FGL1: variants seen among roughly 807,000 people sequenced by gnomAD.
The protein encoded by FGL1 is fibrinogen-like protein 1.
FGL1 carries 59 observed loss-of-function variants against 43.7 expected under a neutral mutation model. That is an observed-to-expected ratio of 1.35 (90% CI 1.10 to 1.68). The LOEUF (loss-of-function observed/expected upper bound fraction) is 1.68. FGL1 is among the 40% of genes most tolerant of loss of function. The pLI, the probability that FGL1 is intolerant of heterozygous loss-of-function variation, is 0.00. For missense variants in FGL1, 596 were observed against 373.0 expected, an observed-to-expected ratio of 1.60 and a Z score of -4.92; for synonymous variants, 192 against 126.5, an observed-to-expected ratio of 1.52 and a Z score of -3.48.
intron 3 of FGL1, among the ~76,000 whole-genome samples, chr8:17,878,978 C>T (rs920810214): frequency 6.7e-6 from 1 of 150,102 alleles, no homozygotes; most frequent in East Asian, 2.0e-4. Context: ...TTCTTAGTAG[C>T]CTCTCCAGTA....
In FGL1 at chr8:17,869,850, C is replaced by T. The variant is rs908145925; in HGVS notation, c.503-846G>A. Among the ~76,000 whole-genome samples, 4 of 152,180 alleles carry T rather than the reference C, an allele frequency of 2.6e-5. No homozygotes were observed. The East Asian group carries it at 7.7e-4, about 29-fold the overall frequency. On this transcript the variant is annotated intron_variant, in intron 5 of 7. Transcript: ENST00000427924. ...ATGGGGCCGGGGCGGTGGCTCACGCCTGTAATCCCAGCACTTTGGGAGGCC... is the reference window on the plus strand; with the variant it reads ...ATGGGGCCGGGGCGGTGGCTCACGCTTGTAATCCCAGCACTTTGGGAGGCC...
At position 17,866,983 on chromosome 8, in the gene FGL1, C is replaced by G. The variant is rs569873222; in HGVS notation, c.779+1565G>C. On this transcript the variant is annotated intron_variant, in intron 7 of 7. Transcript: ENST00000427924. ...CCATCATCACCTTCAATTTGCAAAG[C>G]AGGAGAGTGAAATTTGTTTCTCTCC... is the stretch of plus-strand genomic sequence containing the variant. Among the ~76,000 whole-genome samples the G allele has an allele frequency of 5.9e-5, 9 of 152,248 alleles. 1 individual carries two copies. The South Asian group carries it at 1.9e-3, about 32-fold the overall frequency.
intron 7 of FGL1, among the ~76,000 whole-genome samples, chr8:17,867,821 A>G (rs989352066): frequency 6.6e-6 from 1 of 152,192 alleles, no homozygotes; most frequent in East Asian, 1.9e-4. Flanking sequence ...CTCACGCCCA[A>G]CACTTTGGGA....
At chr8:17,869,749 C>G (rs1012354912) in intron 5 of FGL1, among the ~76,000 whole-genome samples, 1 of 152,164 alleles carries the variant, frequency 6.6e-6, no homozygotes. Flanking sequence ...GGAAAATATA[C>G]TAACATCAAT....
chr8:17,866,569 A>G (rs1477092733), intron 7 of FGL1, among the ~76,000 whole-genome samples: 1 of 152,134 alleles, frequency 6.6e-6, no homozygotes, highest in Admixed American at 6.6e-5. Flanking sequence ...AGCCTTATCA[A>G]CCCCTTTGAT....
At chr8:17,871,348 G>T (rs1261531945) in intron 5 of FGL1, among the ~76,000 whole-genome samples, 2 of 151,960 alleles carry the variant, frequency 1.3e-5, no homozygotes, top group Non-Finnish European at 2.9e-5. Flanking sequence ...ACAAAAATTA[G>T]CTGGGTGTGG....
chr8:17,875,751 C>T (rs2517295), intron 3 of FGL1, among the ~76,000 whole-genome samples: 111,081 of 151,748 alleles, frequency 0.73, 41,154 homozygotes, highest in Non-Finnish European at 0.79. Flanking sequence ...ATCACAGCCA[C>T]GCACCTACAC....
At chr8:17,872,735 A>C (rs1181072545) in intron 5 of FGL1, among the ~76,000 whole-genome samples, 3 of 152,208 alleles carry the variant, frequency 2.0e-5, no homozygotes, top group African/African-American at 7.2e-5. Flanking sequence ...GGTAGGGAAG[A>C]CAATGGATTG....
chr8:17,883,776 G>T (rs1283658092), intron 2 of FGL1, among the ~76,000 whole-genome samples: 1 of 133,914 alleles, frequency 7.5e-6, no homozygotes, highest in Non-Finnish European at 1.6e-5. Context: ...CATTTTTCTA[G>T]GATGGTTTCT....
chr8:17,877,908 C>G (rs1201414433), intron 3 of FGL1, among the ~76,000 whole-genome samples: 1 of 152,154 alleles, frequency 6.6e-6, no homozygotes, highest in East Asian at 1.9e-4. Flanking sequence ...AGATAGCTGG[C>G]ATTCACTGAG....
At chr8:17,884,030 T>A (rs1443989609) in intron 2 of FGL1, among the ~76,000 whole-genome samples, 1 of 149,988 alleles carries the variant, frequency 6.7e-6, no homozygotes, top group Non-Finnish European at 1.5e-5. Context: ...CTAAAATGAT[T>A]TCTTTCTCCT....
intron 3 of FGL1, among the ~76,000 whole-genome samples, chr8:17,876,807 G>C (rs1189241082): frequency 1.3e-5 from 2 of 152,132 alleles, no homozygotes; most frequent in East Asian, 3.9e-4. Context: ...GGAAAACTTA[G>C]TGAATATAGA....
At chr8:17,882,885 ATATCT>A in intron 2 of FGL1, among the ~76,000 whole-genome samples, 8 of 110,168 alleles carry the variant, frequency 7.3e-5, no homozygotes, top group African/African-American at 3.4e-4. Flanking sequence ...AATATATAAT[ATATCT>A]CATATATAAT....
At chr8:17,885,382 T>C (rs1420161340) in intron 2 of FGL1, 110 bp downstream of exon 2, 3 of 872,520 alleles carry the variant, frequency 3.4e-6, no homozygotes, top group African/African-American at 1.7e-5. Context: ...TTTTCCCACA[T>C]AGTTAAGTTT....
chr8:17,875,996 G>A (rs78258074), intron 3 of FGL1, among the ~76,000 whole-genome samples: 3,166 of 152,254 alleles, frequency 0.021, 59 homozygotes, highest in South Asian at 0.048. Flanking sequence ...CAGACTTAGA[G>A]AACGTGGCAA....
chr8:17,877,957 T>C (rs1463447933), intron 3 of FGL1, among the ~76,000 whole-genome samples: 2 of 152,126 alleles, frequency 1.3e-5, no homozygotes, highest in East Asian at 3.9e-4. Context: ...TATTAACTCA[T>C]TTTATTTTGT....
chr8:17,893,479 G>C (rs1160712791), intron 1 of FGL1, among the ~76,000 whole-genome samples: 4 of 150,306 alleles, frequency 2.7e-5, no homozygotes, highest in Non-Finnish European at 5.9e-5. Context: ...ATTAGATTTA[G>C]TAAAAAATAA....
At chr8:17,869,702 A>G (rs936932575) in intron 5 of FGL1, among the ~76,000 whole-genome samples, 3 of 152,242 alleles carry the variant, frequency 2.0e-5, no homozygotes, top group Non-Finnish European at 4.4e-5. Context: ...ATGCTGTACC[A>G]CCAACATTCT....
intron 1 of FGL1, among the ~76,000 whole-genome samples, chr8:17,893,961 T>A (rs573551631): frequency 6.8e-6 from 1 of 147,334 alleles, no homozygotes; most frequent in South Asian, 2.1e-4. Flanking sequence ...ATTATAAAAT[T>A]AAAATTGTTA....
Sources: gnomAD v4.1 joint callset for allele counts (sites outside exome capture counted in the v4.1 genomes callset) on GRCh38, gnomAD v4.1.1 for gene constraint, MANE v1.5 for transcripts, NCBI Gene and HGNC (gene_info 2026-07-23, HGNC 2026-07-21) for gene names.